Variants in KLF17 observed in about 807,000 individuals in gnomAD.
KLF17 encodes Krueppel-like factor 17.
A neutral mutation model predicts 34.2 loss-of-function variants in KLF17; 31 were observed. That is an observed-to-expected ratio of 0.91 (90% CI 0.68 to 1.22). The LOEUF (loss-of-function observed/expected upper bound fraction) is 1.22, where lower values mean the gene tolerates loss of function less well. Ranked by LOEUF, KLF17 falls within the 50% of genes most tolerant of loss-of-function variation. KLF17 has a pLI of 0.00. For missense variants in KLF17, 478 were observed against 505.2 expected, an observed-to-expected ratio of 0.95 and a Z score of 0.52; for synonymous variants, 179 against 186.7, an observed-to-expected ratio of 0.96 and a Z score of 0.34.
At chr1:44,081,025 A>G in the KLF17 span, among the ~76,000 whole-genome samples, 1 of 152,034 alleles carries the variant, frequency 6.6e-6, no homozygotes, top group African/African-American at 2.4e-5. Context: ...TCAAATTTAC[A>G]TAATTTAATC....
intron 1 of KLF17, among the ~76,000 whole-genome samples, chr1:44,122,832 C>T (rs2087964162): frequency 6.6e-6 from 1 of 152,158 alleles, no homozygotes; most frequent in African/African-American, 2.4e-5. Flanking sequence ...CTCCTGACCT[C>T]AAGTGATCCA....
chr1:44,096,711 A>T, the KLF17 span, among the ~76,000 whole-genome samples: 8 of 139,722 alleles, frequency 5.7e-5, no homozygotes, highest in Admixed American at 2.2e-4. Flanking sequence ...ACGGTTTTTA[A>T]AAAAAAATTT....
the KLF17 span, among the ~76,000 whole-genome samples, chr1:44,096,225 A>G: frequency 1.3e-5 from 2 of 152,054 alleles, no homozygotes; most frequent in African/African-American, 4.8e-5. Flanking sequence ...TACAGGTGTG[A>G]GCCACTGCAC....
the KLF17 span, among the ~76,000 whole-genome samples, chr1:44,078,533 G>A: frequency 6.6e-6 from 1 of 151,682 alleles, no homozygotes; most frequent in Admixed American, 6.6e-5. Context: ...CGCCTCCTGG[G>A]TTCAAGCAAT....
the KLF17 span, among the ~76,000 whole-genome samples, chr1:44,092,971 C>G: frequency 6.6e-6 from 1 of 152,132 alleles, no homozygotes; most frequent in African/African-American, 2.4e-5. Flanking sequence ...TAAGAGTTCA[C>G]TGAACTCAGG....
At chr1:44,099,911 AAGAAAGAAAAGAAAGGG>A in the KLF17 span, among the ~76,000 whole-genome samples, 3 of 69,802 alleles carry the variant, frequency 4.3e-5, no homozygotes, top group East Asian at 1.3e-3. Context: ...GAAAGAAAGA[AAGAAAGAAAAGAAAGGG>A]AGGGAGGGAG....
intron 3 of KLF17, among the ~76,000 whole-genome samples, chr1:44,131,522 G>C (rs1160914595): frequency 1.3e-5 from 2 of 152,096 alleles, no homozygotes; most frequent in Non-Finnish European, 2.9e-5. Context: ...GAAAAAACTA[G>C]TTTTGTACTG....
rs1415624486 is a variant in KLF17 at position 44,130,723 on chromosome 1, A to C, written c.1137A>C (p.Gly379=). ...ACCCACAGGCCAACAACAACAATGG[A>C]GAGCAGGACAGTCCTCCTGCTGCTG... is the stretch of plus-strand genomic sequence containing the variant. ...PSDPQANNNN[G]EQDSPPAAGP is the part of the protein sequence containing the mutation. The change falls in exon 3 of 4, where the codon GGA becomes GGC. Residue 379 remains glycine, a synonymous_variant. Coordinates refer to ENST00000372299, the MANE Select transcript of KLF17 (RefSeq NM_173484.4). 4 of 1,613,682 alleles carry C rather than the reference A, an allele frequency of 2.5e-6. No individual in the cohort carries two copies. The highest frequency in any genetic ancestry group is 3.4e-6 in the Non-Finnish European group (4 of 1,179,682).
intron 1 of KLF17, among the ~76,000 whole-genome samples, chr1:44,121,990 A>T (rs1306543079): frequency 1.3e-5 from 2 of 152,182 alleles, no homozygotes; most frequent in African/African-American, 4.8e-5. Flanking sequence ...CCTCAATTAA[A>T]TTTCCTTAGG....
chr1:44,087,765 T>TACAC, the KLF17 span, among the ~76,000 whole-genome samples: 1 of 55,542 alleles, frequency 1.8e-5, no homozygotes, highest in African/African-American at 6.6e-5. Context: ...TATATATATA[T>TACAC]ATATACACAC....
At chr1:44,103,498 A>T in the KLF17 span, 1 of 1,063,958 alleles carries the variant, frequency 9.4e-7, no homozygotes, top group Non-Finnish European at 1.4e-6. Flanking sequence ...CCATAGGCCG[A>T]GCTCAGCGCA....
the KLF17 span, among the ~76,000 whole-genome samples, chr1:44,074,215 G>A: frequency 2.7e-5 from 4 of 150,528 alleles, no homozygotes; most frequent in South Asian, 2.1e-4. Context: ...ATCATCCCCC[G>A]TACCATCCTC....
the KLF17 span, among the ~76,000 whole-genome samples, chr1:44,084,928 G>GA: frequency 3.8e-4 from 46 of 120,760 alleles, no homozygotes; most frequent in Non-Finnish European, 4.5e-4. Flanking sequence ...ATAAAAATTA[G>GA]AAAAAAAAAA....
At chr1:44,046,129 G>A in the KLF17 span, 1 of 141,782 alleles carries the variant, frequency 7.1e-6, no homozygotes, top group African/African-American at 2.6e-5. Flanking sequence ...TTTGGTAAAG[G>A]ATAATAATAA....
the KLF17 span, among the ~76,000 whole-genome samples, chr1:44,050,418 G>A: frequency 6.6e-6 from 1 of 152,148 alleles, no homozygotes. Context: ...CCCTTTCTAT[G>A]GCAGTGACCC....
At chr1:44,084,187 C>T in the KLF17 span, among the ~76,000 whole-genome samples, 6 of 152,144 alleles carry the variant, frequency 3.9e-5, no homozygotes, top group Admixed American at 6.6e-5. Flanking sequence ...CCATTTTGGT[C>T]GATACATTTT....
At chr1:44,132,479 C>T (rs754099184) in intron 3 of KLF17, among the ~76,000 whole-genome samples, 2 of 152,174 alleles carry the variant, frequency 1.3e-5, no homozygotes, top group Non-Finnish European at 2.9e-5. Context: ...ACTGTGACCT[C>T]TGCAAGGCTT....
At chr1:44,082,781 G>C in the KLF17 span, among the ~76,000 whole-genome samples, 1 of 152,064 alleles carries the variant, frequency 6.6e-6, no homozygotes. Flanking sequence ...GGTAAGGCAA[G>C]TTGTCTCTAC....
the KLF17 span, chr1:44,048,360 C>G: frequency 6.6e-6 from 1 of 152,180 alleles, no homozygotes; most frequent in African/African-American, 2.4e-5. Context: ...TCACTCAGAG[C>G]AGACCGAAGA....
Sources: allele counts gnomAD v4.1 joint callset (sites outside exome capture counted in the v4.1 genomes callset), GRCh38; gene constraint gnomAD v4.1.1; transcripts MANE v1.5; gene names NCBI Gene and HGNC (gene_info 2026-07-23, HGNC 2026-07-21).